CELF2: variants seen among roughly 807,000 people sequenced by gnomAD.
CELF2 encodes CUG triplet repeat RNA-binding protein 2.
In CELF2, 8 loss-of-function variants were observed where a neutral mutation model predicts 62.6. The observed-to-expected ratio is 0.13, with a 90% CI of 0.07 to 0.23. CELF2 has a LOEUF of 0.23. Ranked by LOEUF, CELF2 falls within the 10% of genes least tolerant of loss-of-function variation. The pLI, the probability that CELF2 is intolerant of heterozygous loss-of-function variation, is 1.00. For synonymous variants in CELF2, 258 were observed against 250.0 expected (o/e 1.03, Z -0.30); for missense variants, 333 against 671.0 (o/e 0.50, Z 5.56).
At chr10:11,179,871 A>G (rs902657235) in intron 2 of CELF2, among the ~76,000 whole-genome samples, 1 of 152,172 alleles carries the variant, frequency 6.6e-6, no homozygotes, top group Non-Finnish European at 1.5e-5. Flanking sequence ...GCTGAAAATC[A>G]GGTCTTAAAT....
intron 1 of CELF2, among the ~76,000 whole-genome samples, chr10:11,058,416 C>T (rs2065840238): frequency 6.6e-6 from 1 of 150,802 alleles, no homozygotes; most frequent in African/African-American, 2.4e-5. Flanking sequence ...TTTTCAACAA[C>T]CTATAAAAGC....
At chr10:11,252,842 C>G (rs1198387184) in intron 4 of CELF2, among the ~76,000 whole-genome samples, 2 of 152,182 alleles carry the variant, frequency 1.3e-5, no homozygotes, top group African/African-American at 2.4e-5. Flanking sequence ...GAGTAAACCA[C>G]CCACCTTCCA....
the CELF2 span, among the ~76,000 whole-genome samples, chr10:10,719,182 A>T: frequency 6.6e-6 from 1 of 150,950 alleles, no homozygotes; most frequent in Admixed American, 6.6e-5. Flanking sequence ...CTGGTCTTGA[A>T]CTCCTAACCT....
chr10:10,964,466 A>G (rs904499530), intron 2 of CELF2, among the ~76,000 whole-genome samples: 1 of 152,234 alleles, frequency 6.6e-6, no homozygotes, highest in Non-Finnish European at 1.5e-5. Flanking sequence ...ACTTGAAAGA[A>G]TTAATGACCA....
the CELF2 span, among the ~76,000 whole-genome samples, chr10:10,672,085 G>A: frequency 6.6e-6 from 1 of 151,966 alleles, no homozygotes; most frequent in Non-Finnish European, 1.5e-5. Context: ...TTTTTAACTG[G>A]GTTGTTTATT....
chr10:10,813,310 G>A (rs991449833), intron 1 of CELF2, among the ~76,000 whole-genome samples: 2 of 152,170 alleles, frequency 1.3e-5, no homozygotes, highest in African/African-American at 2.4e-5. Context: ...CATCCAGGGT[G>A]CAGGTGTTTC....
chr10:10,522,519 T>C, the CELF2 span, among the ~76,000 whole-genome samples: 1 of 152,196 alleles, frequency 6.6e-6, no homozygotes, highest in Non-Finnish European at 1.5e-5. Context: ...TTTTGAAAAG[T>C]CAAGAGCACA....
chr10:10,992,031 G>C (rs2053495768), intron 2 of CELF2, among the ~76,000 whole-genome samples: 1 of 152,112 alleles, frequency 6.6e-6, no homozygotes, highest in African/African-American at 2.4e-5. Flanking sequence ...GGGAAATATG[G>C]AAATTCTTAT....
At chr10:11,322,138 G>A (rs909861948) in intron 11 of CELF2, among the ~76,000 whole-genome samples, 1 of 152,210 alleles carries the variant, frequency 6.6e-6, no homozygotes, top group Admixed American at 6.5e-5. Flanking sequence ...GCTTCTGTGG[G>A]TGAAACGCTC....
At chr10:10,841,473 T>G (rs1013819197) in intron 1 of CELF2, among the ~76,000 whole-genome samples, 4 of 151,468 alleles carry the variant, frequency 2.6e-5, no homozygotes, top group Admixed American at 1.3e-4. Flanking sequence ...CATTTTTATA[T>G]AGATGGATAT....
chr10:11,086,014 T>A (rs978823159), intron 1 of CELF2, among the ~76,000 whole-genome samples: 1 of 152,136 alleles, frequency 6.6e-6, no homozygotes, highest in African/African-American at 2.4e-5. Context: ...CACGTGAAAG[T>A]GCTTAGGAGA....
intron 1 of CELF2, among the ~76,000 whole-genome samples, chr10:11,111,083 C>G (rs1328374428): frequency 6.6e-6 from 1 of 152,162 alleles, no homozygotes; most frequent in Admixed American, 6.5e-5. Context: ...GAAGTGGGAG[C>G]TGTCATTTGG....
the CELF2 span, among the ~76,000 whole-genome samples, chr10:10,576,492 T>A: frequency 8.5e-5 from 13 of 152,254 alleles, no homozygotes; most frequent in Non-Finnish European, 1.8e-4. Flanking sequence ...AGTGTATAGG[T>A]AAAGAAAGAA....
the CELF2 span, among the ~76,000 whole-genome samples, chr10:10,641,897 T>C: frequency 6.6e-6 from 1 of 152,338 alleles, no homozygotes; most frequent in East Asian, 1.9e-4. Flanking sequence ...CCCCCTCCTT[T>C]TTCTCACAAT....
At position 11,284,084 on chromosome 10, in the gene CELF2, G is replaced by A. The variant is rs1182679267; in HGVS notation, c.842-4334G>A. 8.9e-4 allele frequency among the ~76,000 whole-genome samples: 129 copies of A among 145,274 alleles called. 2 individuals are homozygous for A. Among genetic ancestry groups the A allele is most frequent in the East Asian group, 4.2e-3 (19 of 4,478 alleles). On this transcript the variant is annotated intron_variant, in intron 8 of 12. Transcript: ENST00000633077. ...AGTGTGTGGTGGGTGGATGATGGATGGAGGAGTGGGTGGATGATGGATGAC... is the reference window on the plus strand; with the variant it reads ...AGTGTGTGGTGGGTGGATGATGGATAGAGGAGTGGGTGGATGATGGATGAC...
At chr10:11,262,935 C>G (rs1446787446) in intron 5 of CELF2, among the ~76,000 whole-genome samples, 1 of 21,674 alleles carries the variant, frequency 4.6e-5, no homozygotes, top group Non-Finnish European at 1.0e-4. Flanking sequence ...TTAAAAGTGG[C>G]TTTACTTTTT....
intron 1 of CELF2, among the ~76,000 whole-genome samples, chr10:10,915,486 T>C (rs2064246418): frequency 6.6e-6 from 1 of 152,168 alleles, no homozygotes; most frequent in African/African-American, 2.4e-5. Flanking sequence ...GCTCACTGCA[T>C]CCTTGAACTC....
At chr10:10,823,585 A>C (rs796577692) in intron 1 of CELF2, among the ~76,000 whole-genome samples, 36 of 22,166 alleles carry the variant, frequency 1.6e-3, no homozygotes, top group African/African-American at 9.4e-3. Flanking sequence ...CTTATGCACA[A>C]AAAAAAATAG....
chr10:10,933,757 T>C (rs1383992014), intron 2 of CELF2, among the ~76,000 whole-genome samples: 5 of 152,234 alleles, frequency 3.3e-5, no homozygotes, highest in Non-Finnish European at 7.3e-5. Flanking sequence ...TCATCCATAT[T>C]GTTGAAAATG....
Sources: gnomAD v4.1 joint callset for allele counts (sites outside exome capture counted in the v4.1 genomes callset) on GRCh38, gnomAD v4.1.1 for gene constraint, MANE v1.5 for transcripts, NCBI Gene and HGNC (gene_info 2026-07-23, HGNC 2026-07-21) for gene names.